The following DNAJC21 variants were observed in gnomAD, a reference collection of about 807,000 sequenced individuals.
DNAJC21 encodes dnaJ homolog subfamily C member 21.
A neutral mutation model predicts 72.4 loss-of-function variants in DNAJC21; 63 were observed. That is an observed-to-expected ratio of 0.87 (90% CI 0.71 to 1.07). The LOEUF is 1.07. Ranked by LOEUF, DNAJC21 falls within the 50% of genes least tolerant of loss-of-function variation. The pLI is 0.00. For missense variants in DNAJC21, 634 were observed against 644.8 expected, an observed-to-expected ratio of 0.98 and a Z score of 0.18; for synonymous variants, 203 against 216.7, an observed-to-expected ratio of 0.94 and a Z score of 0.56.
intron 5 of DNAJC21, among the ~76,000 whole-genome samples, chr5:34,938,200 G>A (rs998910211): frequency 3.7e-4 from 56 of 152,252 alleles, no homozygotes; most frequent in Admixed American, 7.9e-4. Context: ...AATAACTAGC[G>A]TTAATTGAAT....
intron 6 of DNAJC21, among the ~76,000 whole-genome samples, chr5:34,940,152 G>A (rs1482042410): frequency 6.6e-6 from 1 of 152,108 alleles, no homozygotes; most frequent in Non-Finnish European, 1.5e-5. Context: ...TGGAAACTAG[G>A]ACTCTGAGAA....
At chr5:34,949,135 T>G (rs938638702) in intron 9 of DNAJC21, among the ~76,000 whole-genome samples, 1 of 152,130 alleles carries the variant, frequency 6.6e-6, no homozygotes, top group Non-Finnish European at 1.5e-5. Flanking sequence ...AGTTGAAAAA[T>G]CTGGCAATAC....
intron 10 of DNAJC21, chr5:34,951,652 C>A: frequency 1.2e-6 from 1 of 850,766 alleles, no homozygotes; most frequent in Non-Finnish European, 1.4e-6. Flanking sequence ...CTCAGCCTCT[C>A]GAGTTGCTGG....
chr5:34,939,191 GAC>G (rs1270750464), intron 6 of DNAJC21, among the ~76,000 whole-genome samples, 182 bp downstream of exon 6: 1 of 152,068 alleles, frequency 6.6e-6, no homozygotes, highest in Non-Finnish European at 1.5e-5. Flanking sequence ...ATTCTTTTCT[GAC>G]CATGTCCTAA....
rs1318289840 is a variant in DNAJC21 at position 34,936,123 on chromosome 5, G to A, written c.316-21G>A. On this transcript the variant is annotated intron_variant, in intron 3 of 11. Transcript: ENST00000648817. Reference sequence around the variant, plus strand: ...CAGGCTGCAAAAGTATTAAGAATTTGTTTTTGTTACTGTTTTTTAGGGATT... The same window carrying A: ...CAGGCTGCAAAAGTATTAAGAATTTATTTTTGTTACTGTTTTTTAGGGATT... The A allele has an allele frequency of 1.9e-6, 3 of 1,595,722 alleles. 1 individual carries two copies. The South Asian group carries it at 3.5e-5, about 18-fold the overall frequency.
intron 9 of DNAJC21, among the ~76,000 whole-genome samples, chr5:34,949,264 A>G (rs942968651): frequency 2.0e-5 from 3 of 152,170 alleles, no homozygotes; most frequent in African/African-American, 7.2e-5. Context: ...ATTTGGAAAC[A>G]ACCAAACAAA....
intron 9 of DNAJC21, among the ~76,000 whole-genome samples, chr5:34,946,530 G>T (rs757707410): frequency 1.3e-5 from 2 of 151,956 alleles, no homozygotes; most frequent in African/African-American, 4.8e-5. Flanking sequence ...TATCCAAATG[G>T]TTATAATAAT....
At chr5:34,930,059 C>T (rs935395230) in intron 1 of DNAJC21, 143 bp downstream of exon 1, 2 of 531,420 alleles carry the variant, frequency 3.8e-6, no homozygotes, top group Non-Finnish European at 6.2e-6. Flanking sequence ...GGCCAGTGCC[C>T]GGAGCCGCCC....
chr5:34,939,438 T>G (rs895924366), intron 6 of DNAJC21, among the ~76,000 whole-genome samples: 3 of 151,878 alleles, frequency 2.0e-5, no homozygotes, highest in African/African-American at 7.3e-5. Flanking sequence ...GCTAATTTTT[T>G]GTATTTTTAG....
At chr5:34,932,284 GGT>G (rs987365895) in intron 1 of DNAJC21, among the ~76,000 whole-genome samples, 1 of 152,118 alleles carries the variant, frequency 6.6e-6, no homozygotes, top group Admixed American at 6.5e-5. Flanking sequence ...AGCTGGGCGT[GGT>G]GGCGCACGCC....
chr5:34,940,373 C>A (rs1405881162), intron 6 of DNAJC21, among the ~76,000 whole-genome samples: 1 of 152,044 alleles, frequency 6.6e-6, no homozygotes, highest in African/African-American at 2.4e-5. Context: ...TGAGACAGTC[C>A]TTCAAAATCA....
intron 10 of DNAJC21, chr5:34,951,668 C>T (rs973121278): frequency 6.7e-5 from 52 of 776,662 alleles, no homozygotes; most frequent in Non-Finnish European, 8.0e-5. Flanking sequence ...GCTGGGACTG[C>T]AGGCATGCAC....
intron 9 of DNAJC21, 132 bp from the exon 10 acceptor site, chr5:34,950,038 C>A: frequency 1.0e-6 from 1 of 998,978 alleles, no homozygotes; most frequent in Non-Finnish European, 1.4e-6. Flanking sequence ...CTGTAATGAG[C>A]ATCCATGTTC....
chr5:34,939,410 C>T (rs62356989), intron 6 of DNAJC21, among the ~76,000 whole-genome samples: 14 of 152,104 alleles, frequency 9.2e-5, no homozygotes, highest in Admixed American at 5.2e-4. Context: ...GGACTACAGG[C>T]GCCCGCCACC....
chr5:34,938,720 A>G (rs2112044477), intron 5 of DNAJC21, 138 bp from the exon 6 acceptor site: 1 of 926,936 alleles, frequency 1.1e-6, no homozygotes, highest in East Asian at 3.2e-5. Flanking sequence ...GGTTTTAACT[A>G]AGCACAGGTT....
chr5:34,938,057 C>G (rs1764854033), intron 5 of DNAJC21, among the ~76,000 whole-genome samples: 1 of 152,174 alleles, frequency 6.6e-6, no homozygotes, highest in African/African-American at 2.4e-5. Context: ...CTCAGCCTCC[C>G]AAAGTGCTGG....
At chr5:34,954,063 C>G in intron 11 of DNAJC21, 62 bp downstream of exon 11, 1 of 1,443,472 alleles carries the variant, frequency 6.9e-7, no homozygotes, top group South Asian at 1.4e-5. Context: ...GTATAATGAT[C>G]TAAAGATGGA....
intron 7 of DNAJC21, among the ~76,000 whole-genome samples, chr5:34,942,943 C>T (rs1765048252): frequency 1.3e-5 from 2 of 152,144 alleles, no homozygotes; most frequent in South Asian, 4.1e-4. Context: ...TGACGCATAC[C>T]TGTAATCCCA....
chr5:34,953,882 G>A (rs754338970), intron 10 of DNAJC21, 44 bp from the exon 11 acceptor site: 11 of 1,490,998 alleles, frequency 7.4e-6, no homozygotes, highest in Non-Finnish European at 1.0e-5. Flanking sequence ...ATGGTTAAAA[G>A]GAGTATGTTA....
Sources: gnomAD v4.1 joint callset for allele counts (sites outside exome capture counted in the v4.1 genomes callset) on GRCh38, gnomAD v4.1.1 for gene constraint, MANE v1.5 for transcripts, NCBI Gene and HGNC (gene_info 2026-07-23, HGNC 2026-07-21) for gene names.